Variants in DNAH14 observed in about 807,000 individuals in gnomAD.
The protein encoded by DNAH14 is axonemal beta dynein heavy chain 14.
A neutral mutation model predicts 520.9 loss-of-function variants in DNAH14; 478 were observed. That is an observed-to-expected ratio of 0.92 (90% CI 0.85 to 0.99). The LOEUF (loss-of-function observed/expected upper bound fraction) is 0.99. Ranked by LOEUF, DNAH14 falls within the 50% of genes least tolerant of loss-of-function variation. DNAH14 has a pLI of 0.00. For missense variants in DNAH14, 4,831 were observed against 5,234.5 expected (o/e 0.92, Z 2.38); for synonymous variants, 1,581 against 1,757.2 (o/e 0.90, Z 2.51).
intron 1 of DNAH14, among the ~76,000 whole-genome samples, chr1:224,933,358 C>G (rs150366114): frequency 6.6e-6 from 1 of 152,152 alleles, no homozygotes; most frequent in Non-Finnish European, 1.5e-5. Context: ...GATATAAAAT[C>G]ATATGATCAA....
intron 27 of DNAH14, among the ~76,000 whole-genome samples, chr1:225,125,971 A>C (rs745629324): frequency 9.5e-4 from 145 of 152,272 alleles, no homozygotes; most frequent in Non-Finnish European, 1.5e-3. Context: ...GGGATTAGGG[A>C]GACCGAAGAA....
At chr1:225,165,686 C>A (rs35181350) in intron 35 of DNAH14, among the ~76,000 whole-genome samples, 19,368 of 151,854 alleles carry the variant, frequency 0.13, 1,386 homozygotes, top group East Asian at 0.31. Flanking sequence ...CGGGCTCAAG[C>A]AATCCTCCTG....
rs770222940 is a variant in DNAH14 at position 225,307,465 on chromosome 1, C to T, written c.9010C>T (p.Arg3004Cys). ...TAATACTTTTTCTTCCTTCAGGGAT[C>T]GCTTCCATATGGGTCTATCCACAAT... Reference protein sequence around the residue: ...REEEMQTKRDRFHMGLSTILE... With the variant: ...REEEMQTKRDCFHMGLSTILE... Residue 3004 changes from arginine to cysteine, a missense_variant, in exon 59 of 86, where the codon CGC becomes TGC. Arg to Cys is a radical substitution (Grantham distance 180). Coordinates refer to ENST00000682510, the MANE Select transcript of DNAH14 (RefSeq NM_001367479.1). The T allele has an allele frequency of 1.3e-4, 197 of 1,531,110 alleles. No homozygotes were observed. Among genetic ancestry groups the T allele is most frequent in the East Asian group, 2.5e-4 (10 of 40,418 alleles). The allele number at this position is 1,531,110 out of a possible 1,614,324, so 94.8% of individuals were successfully genotyped here. A position where few individuals can be genotyped will look rare whatever the true frequency, so the allele number is the denominator to read the frequency against.
rs554318255 is a variant in DNAH14, at chr1:225,357,763, A to G, written c.11620-733A>G. On this transcript the variant is annotated intron_variant, in intron 73 of 85. Transcript: ENST00000682510. ...TCCCATGGTCCAACCTGGTACATCA[A>G]ACAGGCACACTGACGTGTGTAGCTT... The G allele has an allele frequency of 3.3e-4, 234 of 701,462 alleles. No homozygotes were observed. The African/African-American group carries it at 3.6e-3, about 11-fold the overall frequency. The allele number at this position is 701,462 out of a possible 1,614,324, so 43.5% of individuals were successfully genotyped here.
chr1:225,170,877 G>C (rs1009599844), intron 36 of DNAH14, among the ~76,000 whole-genome samples: 9 of 152,070 alleles, frequency 5.9e-5, no homozygotes, highest in African/African-American at 1.4e-4. Flanking sequence ...AAGTAAAGCA[G>C]TCCTCAGCAA....
chr1:225,301,140 G>A (rs2094131420), intron 56 of DNAH14, 110 bp downstream of exon 56: 4 of 1,231,620 alleles, frequency 3.2e-6, no homozygotes, highest in Non-Finnish European at 4.4e-6. Flanking sequence ...ATCTTTATAT[G>A]AGTTTTTAAG....
chr1:225,285,284 C>T (rs59075440), intron 54 of DNAH14, among the ~76,000 whole-genome samples: 5,527 of 152,294 alleles, frequency 0.036, 303 homozygotes, highest in African/African-American at 0.12. Flanking sequence ...CATGGTGGCT[C>T]ATGCCTGTAA....
chr1:225,358,330 G>A (rs1407027258), intron 73 of DNAH14, among the ~76,000 whole-genome samples, 166 bp from the exon 74 acceptor site: 5 of 152,128 alleles, frequency 3.3e-5, no homozygotes, highest in African/African-American at 7.2e-5. Flanking sequence ...ACATGGTGGC[G>A]GTTTCTCCTC....
At chr1:225,027,263 T>A (rs896873731) in intron 11 of DNAH14, among the ~76,000 whole-genome samples, 1 of 152,156 alleles carries the variant, frequency 6.6e-6, no homozygotes, top group Non-Finnish European at 1.5e-5. Flanking sequence ...GCCTAATTCC[T>A]CTGGCTAGTA....
At chr1:225,085,393 T>C in intron 20 of DNAH14, 151 bp from the exon 21 acceptor site, 1 of 684,632 alleles carries the variant, frequency 1.5e-6, no homozygotes, top group Non-Finnish European at 2.5e-6. Context: ...GGTTAGACCA[T>C]GAAGTTGCTG....
At chr1:225,160,118 A>C (rs989022716) in intron 35 of DNAH14, among the ~76,000 whole-genome samples, 5 of 152,170 alleles carry the variant, frequency 3.3e-5, no homozygotes, top group Non-Finnish European at 5.9e-5. Flanking sequence ...AAGTATTTTA[A>C]CATATAATGC....
chr1:225,051,757 C>T lies in DNAH14; in HGVS notation c.2386C>T (p.Gln796Ter). ...NVIHMSHTLI[Q>*]SVIEKKNKNL... ...CATACATATGAGCCACACCCTCATACAATCTGTAATTGAAAAAAAGAACAA... is the reference window on the plus strand; with the variant it reads ...CATACATATGAGCCACACCCTCATATAATCTGTAATTGAAAAAAAGAACAA... The change falls in exon 17 of 86, where the codon CAA (glutamine) becomes TAA (stop). Residue 796 changes from glutamine to a stop codon, truncating the protein, a stop_gained. Coordinates refer to ENST00000682510, the MANE Select transcript of DNAH14 (RefSeq NM_001367479.1). LOFTEE classifies it high-confidence loss of function. 1 of 1,519,846 alleles carries T rather than the reference C, an allele frequency of 6.6e-7. No homozygotes were observed. Among genetic ancestry groups the T allele is most frequent in the South Asian group, 1.3e-5 (1 of 78,396 alleles). The allele number at this position is 1,519,846 out of a possible 1,614,324, so 94.1% of individuals were successfully genotyped here.
At chr1:224,946,392 AC>A (rs2125446768) in intron 1 of DNAH14, among the ~76,000 whole-genome samples, 1 of 152,094 alleles carries the variant, frequency 6.6e-6, no homozygotes, top group African/African-American at 2.4e-5. Context: ...GCTGTCTCTC[AC>A]CCCTTTCTTT....
At chr1:225,007,341 A>G in intron 9 of DNAH14, 72 bp from the exon 10 acceptor site, 1 of 1,291,124 alleles carries the variant, frequency 7.7e-7, no homozygotes, top group Non-Finnish European at 1.0e-6. Flanking sequence ...ACCTGAAAAG[A>G]CCAAATATTT....
intron 66 of DNAH14, among the ~76,000 whole-genome samples, chr1:225,335,166 CATGTGTACATGTGCGCATGTGT>C: frequency 6.8e-6 from 1 of 146,106 alleles, no homozygotes; most frequent in South Asian, 2.1e-4. Flanking sequence ...TGCATGTGTG[CATGTGTACATGTGCGCATGTGT>C]GTATATATGC....
chr1:224,980,618 C>T (rs1319971277), intron 8 of DNAH14, among the ~76,000 whole-genome samples: 2 of 152,148 alleles, frequency 1.3e-5, no homozygotes, highest in Non-Finnish European at 2.9e-5. Flanking sequence ...TTGTGGAGCC[C>T]TAGGTTCTTG....
Position 225,150,805 on chromosome 1 carries a change from C to T in DNAH14, c.4941-1200C>T, listed in dbSNP as rs182265218. Among the ~76,000 whole-genome samples the T allele has an allele frequency of 1.4e-4, 21 of 152,240 alleles. No individual in the cohort carries two copies. In the Middle Eastern group the frequency reaches 0.014, roughly 99 times the overall value. On this transcript the variant is annotated intron_variant, in intron 31 of 85. Transcript: ENST00000682510. ...AGTGCAGTGGCATGATCTCGGCTTACTGCAACCTCTGCCTCCCGGGTTCAA... is the reference window on the plus strand; with the variant it reads ...AGTGCAGTGGCATGATCTCGGCTTATTGCAACCTCTGCCTCCCGGGTTCAA...
At chr1:225,155,212 T>G in intron 34 of DNAH14, among the ~76,000 whole-genome samples, 1 of 152,104 alleles carries the variant, frequency 6.6e-6, no homozygotes, top group Admixed American at 6.5e-5. Context: ...CATATTGGTA[T>G]GATTGGGGCT....
chr1:225,130,823 TAATAATAATAA>T (rs936921751), intron 27 of DNAH14, among the ~76,000 whole-genome samples: 2 of 151,146 alleles, frequency 1.3e-5, no homozygotes, highest in South Asian at 2.1e-4. Flanking sequence ...AGTATAATAA[TAATAATAATAA>T]AATAAAATAA....
Sources: allele counts gnomAD v4.1 joint callset (sites outside exome capture counted in the v4.1 genomes callset), GRCh38; gene constraint gnomAD v4.1.1; transcripts MANE v1.5; gene names NCBI Gene and HGNC (gene_info 2026-07-23, HGNC 2026-07-21).